The following FREM3 variants were observed in gnomAD, a reference collection of about 807,000 sequenced individuals.
FREM3 encodes the protein FRAS1 related extracellular matrix 3.
Under a neutral mutation model 129.1 loss-of-function variants are expected in FREM3, and 105 were observed. That is an observed-to-expected ratio of 0.81 (90% confidence interval 0.69 to 0.96). The LOEUF is 0.96. Ranked by LOEUF, FREM3 falls within the 40% of genes least tolerant of loss-of-function variation. The pLI, the probability that FREM3 is intolerant of heterozygous loss-of-function variation, is 0.00. For synonymous variants in FREM3, 1,014 were observed against 1,044.9 expected, an observed-to-expected ratio of 0.97 and a Z score of 0.57; for missense variants, 2,593 against 2,666.3, an observed-to-expected ratio of 0.97 and a Z score of 0.61.
intron 5 of FREM3, among the ~76,000 whole-genome samples, chr4:143,612,867 T>C (rs963617474): frequency 4.6e-5 from 7 of 152,192 alleles, no homozygotes; most frequent in Admixed American, 6.5e-5. Flanking sequence ...CATACCTCAC[T>C]TTAATAAGAA....
intron 2 of FREM3, among the ~76,000 whole-genome samples, chr4:143,663,280 T>C (rs1308303772): frequency 6.6e-6 from 1 of 152,114 alleles, no homozygotes; most frequent in African/African-American, 2.4e-5. Context: ...GCAGGCCTGG[T>C]GGTGACAAAA....
intron 5 of FREM3, among the ~76,000 whole-genome samples, chr4:143,618,489 G>T (rs1431323993): frequency 2.6e-5 from 4 of 152,134 alleles, no homozygotes; most frequent in Non-Finnish European, 5.9e-5. Flanking sequence ...GTAGCATCTT[G>T]ACTCTTGCAT....
chr4:143,619,805 G>A (rs992275727), intron 5 of FREM3, among the ~76,000 whole-genome samples: 1 of 152,044 alleles, frequency 6.6e-6, no homozygotes, highest in South Asian at 2.1e-4. Flanking sequence ...ATCTGCCAAG[G>A]TACTGCCTGC....
chr4:143,665,234 C>A (rs1428308371), intron 2 of FREM3, among the ~76,000 whole-genome samples: 1 of 152,048 alleles, frequency 6.6e-6, no homozygotes, highest in Non-Finnish European at 1.5e-5. Context: ...CATCTTGGCT[C>A]CTCCCCGATT....
At chr4:143,582,166 A>G (rs1003533909) in intron 7 of FREM3, among the ~76,000 whole-genome samples, 1 of 152,144 alleles carries the variant, frequency 6.6e-6, no homozygotes, top group East Asian at 1.9e-4. Context: ...GTCACCCCCA[A>G]GCTGGAGAGG....
In FREM3 at chr4:143,695,875, G is replaced by T. The variant is rs773053656; in HGVS notation, c.4801C>A (p.Leu1601Met). 2.0e-5 allele frequency: 31 copies of T among 1,537,530 alleles called. No individual in the cohort carries two copies. The highest frequency in any genetic ancestry group is 2.3e-5 in the Non-Finnish European group (26 of 1,146,990). ...RPVTTFTKQDLNKNLISYKHD... is the reference protein window; with the variant it reads ...RPVTTFTKQDMNKNLISYKHD... ...TTGTAGCTAATCAGGTTCTTGTTCA[G>T]GTCTTGCTTGGTGAAAGTGGTCACG... is the stretch of plus-strand genomic sequence containing the variant. The change falls in exon 1 of 8, where the codon CTG becomes ATG. Residue 1601 changes from leucine (L) to methionine (M), a missense_variant. Leu to Met is a conservative substitution (Grantham distance 15, BLOSUM62 2). Transcript: ENST00000329798.
In FREM3 at chr4:143,611,522, C is replaced by A; in HGVS notation, c.5785G>T (p.Ala1929Ser). Residue 1929 changes from alanine to serine, a missense_variant, in exon 6 of 8, where the codon GCC becomes TCC. Ala to Ser is a moderately conservative substitution (Grantham distance 99). Around this residue, in one of 2 missense-constraint regions of FREM3, gnomAD observed 317 missense variants for 399.0 expected, o/e 0.79. Transcript: ENST00000329798. ...IVICSTRQGS[A>S]TGTISSTVLF... Reference sequence around the variant, plus strand: ...ACTGTGGAAGAAATCGTGCCTGTGGCAGAACCTACAGAAATATGAGAAGGA... The same window carrying A: ...ACTGTGGAAGAAATCGTGCCTGTGGAAGAACCTACAGAAATATGAGAAGGA... 1 of 1,536,644 alleles carries A rather than the reference C, an allele frequency of 6.5e-7. No homozygotes were observed. Among genetic ancestry groups the A allele is most frequent in the Middle Eastern group, 1.7e-4 (1 of 5,990 alleles).
chr4:143,612,865 A>G (rs1018264834), intron 5 of FREM3, among the ~76,000 whole-genome samples: 1 of 152,174 alleles, frequency 6.6e-6, no homozygotes, highest in African/African-American at 2.4e-5. Flanking sequence ...ACCATACCTC[A>G]CTTTAATAAG....
At chr4:143,615,865 T>C (rs1391547242) in intron 5 of FREM3, among the ~76,000 whole-genome samples, 1 of 152,126 alleles carries the variant, frequency 6.6e-6, no homozygotes, top group Non-Finnish European at 1.5e-5. Context: ...GCAGGTGCAC[T>C]ATCACCATTG....
In FREM3 at chr4:143,699,308, G is replaced by A; in HGVS notation, c.1368C>T (p.Ser456=). ...GGTTATCTTTATCACTGATAGGAAT[G>A]CTGTGGGTGCTGGACAAGGGCCTTG... ...GQSRPLSSTH[S]IPISDKDNLE... is the part of the protein sequence containing the mutation. The change falls in exon 1 of 8, where the codon AGC becomes AGT. Residue 456 remains serine, a synonymous_variant. Transcript: ENST00000329798. This position sits in a 1 kb window ranked among gnomAD's most constrained non-coding sequence, Gnocchi z 4.2. 1 of 1,537,384 alleles carries A rather than the reference G, an allele frequency of 6.5e-7. No homozygotes were observed.
intron 7 of FREM3, among the ~76,000 whole-genome samples, chr4:143,584,852 A>C (rs1444475612): frequency 6.6e-6 from 1 of 152,198 alleles, no homozygotes; most frequent in Non-Finnish European, 1.5e-5. Context: ...ACATACACGT[A>C]CTCTAAAATC....
Position 143,698,778 on chromosome 4 carries a change from T to A in FREM3, c.1898A>T (p.Glu633Val). The change falls in exon 1 of 8, where the codon GAA becomes GTA. Residue 633 changes from glutamate to valine, a missense_variant. By Grantham distance (121) the Glu-to-Val change is moderately radical. This residue lies in a region of FREM3 where 2,276 missense variants were observed against 2,267.2 expected (regional missense o/e 1.00). Coordinates refer to ENST00000329798, the MANE Select transcript of FREM3 (RefSeq NM_001168235.2). ...CACTTTCTCATAAAGCCCTTCCTTTTCCATGTAGTGCCAGTCTTCATCTTC... is the reference window on the plus strand; with the variant it reads ...CACTTTCTCATAAAGCCCTTCCTTTACCATGTAGTGCCAGTCTTCATCTTC... ...STEDEDWHYMEKEGLYEKVVT... is the reference protein window; with the variant it reads ...STEDEDWHYMVKEGLYEKVVT... The A allele has an allele frequency of 6.5e-7, 1 of 1,537,556 alleles. No homozygotes were observed. The highest frequency in any genetic ancestry group is 8.7e-7 in the Non-Finnish European group (1 of 1,146,990).
intron 6 of FREM3, 90 bp from the exon 7 acceptor site, chr4:143,586,083 A>G (rs1028203114): frequency 1.8e-5 from 24 of 1,304,240 alleles, no homozygotes; most frequent in East Asian, 7.6e-5. Flanking sequence ...GGCATTTGTC[A>G]TAATTGTCAG....
At position 143,585,249 on chromosome 4, in the gene FREM3, A is replaced by G. The variant is rs1364128674; in HGVS notation, c.6178+595T>C. 1.3e-5 allele frequency among the ~76,000 whole-genome samples: 2 copies of G among 152,228 alleles called. No homozygotes were observed. The highest frequency in any genetic ancestry group is 6.5e-5 in the Admixed American group (1 of 15,282). On this transcript the variant is annotated intron_variant, in intron 7 of 7. Coordinates refer to ENST00000329798, the MANE Select transcript of FREM3 (RefSeq NM_001168235.2). The surrounding 1 kb of genome is among the most constrained non-coding windows in gnomAD (Gnocchi z 4.2). ...TGCAAATGAGAAAATGTGGGCATCA[A>G]TGTACATGGAAATGTCCTTTTCTTT...
chr4:143,623,080 G>A (rs1317632013), intron 4 of FREM3, among the ~76,000 whole-genome samples: 1 of 152,132 alleles, frequency 6.6e-6, no homozygotes, highest in Non-Finnish European at 1.5e-5. Context: ...TATGTTTTAA[G>A]AAAACTGGAA....
At chr4:143,668,530 C>A (rs1739905867) in intron 2 of FREM3, among the ~76,000 whole-genome samples, 1 of 152,198 alleles carries the variant, frequency 6.6e-6, no homozygotes. Context: ...CATCCCTCAC[C>A]CTTAATGTTG....
intron 6 of FREM3, among the ~76,000 whole-genome samples, chr4:143,592,725 T>C (rs1366942508): frequency 6.6e-6 from 1 of 152,134 alleles, no homozygotes. Flanking sequence ...TATCTTGGAG[T>C]TGCTCTTCTC....
Position 143,696,531 on chromosome 4 carries a change from C to A in FREM3, c.4145G>T (p.Arg1382Ile), listed in dbSNP as rs766328053. The part of the protein sequence containing the change: ...GMNFTQDEIN[R>I]GLICYIHTGQ... ...TGTGTGGATATAGCAGATGAGGCCT[C>A]TGTTAATCTCATCCTGGGTAAAGTT... The change falls in exon 1 of 8, where the codon AGA (arginine) becomes ATA (isoleucine). Residue 1382 changes from arginine to isoleucine, a missense_variant. Around this residue, in one of 2 missense-constraint regions of FREM3, gnomAD observed 2,276 missense variants for 2,267.2 expected, o/e 1.00. Coordinates refer to ENST00000329798, the MANE Select transcript of FREM3 (RefSeq NM_001168235.2). 1 of 1,537,474 alleles carries A rather than the reference C, an allele frequency of 6.5e-7. No homozygotes were observed. Among genetic ancestry groups the A allele is most frequent in the Non-Finnish European group, 8.7e-7 (1 of 1,146,934 alleles).
chr4:143,664,500 G>T (rs1236872331), intron 2 of FREM3, among the ~76,000 whole-genome samples: 3 of 152,142 alleles, frequency 2.0e-5, no homozygotes, highest in African/African-American at 4.8e-5. Flanking sequence ...CCCCTACTGG[G>T]GGATGCCTCC....
Sources: gnomAD v4.1 joint callset for allele counts (sites outside exome capture counted in the v4.1 genomes callset) on GRCh38, gnomAD v4.1.1 for gene constraint, gnomAD v4.1.1 regional missense constraint, Gnocchi (gnomAD v3.1) non-coding constraint, MANE v1.5 for transcripts, NCBI Gene and HGNC (gene_info 2026-07-23, HGNC 2026-07-21) for gene names.